DACH2: variants seen among roughly 807,000 people sequenced by gnomAD.
DACH2 encodes the protein dachshund family transcription factor 2, also known as dachshund homolog 2.
DACH2 carries 17 observed loss-of-function variants against 35.8 expected under a neutral mutation model. The observed-to-expected ratio is 0.48, with a 90% CI of 0.33 to 0.71. The LOEUF is 0.71. Among genes scored for constraint, DACH2 ranks in the 30% least tolerant of loss-of-function variants. The pLI is 0.02. For missense variants in DACH2, 469 were observed against 472.7 expected (o/e 0.99, Z 0.07); for synonymous variants, 195 against 177.3 (o/e 1.10, Z -0.79).
chrX:86,546,410 T>TCTTCTTCTTCTTCTTCTTC (rs2038968483), intron 3 of DACH2, among the ~76,000 whole-genome samples: 1 of 88,705 alleles, frequency 1.1e-5, no homozygotes, highest in Non-Finnish European at 2.2e-5. Flanking sequence ...TCTTCCTTCT[T>TCTTCTTCTTCTTCTTCTTC]CTTCTTCTTT....
At chrX:86,825,720 A>G (rs1030832207) in intron 11 of DACH2, among the ~76,000 whole-genome samples, 1 of 111,618 alleles carries the variant, frequency 9.0e-6, no homozygotes, top group Non-Finnish European at 1.9e-5. Context: ...GTACTTCTAA[A>G]GCTCTTAATG....
intron 4 of DACH2, among the ~76,000 whole-genome samples, chrX:86,679,492 T>C (rs1207096254): frequency 8.9e-6 from 1 of 111,811 alleles, no homozygotes; most frequent in African/African-American, 3.2e-5. Flanking sequence ...AGTTTTGCAA[T>C]GTTATTAACT....
At chrX:86,482,496 T>A (rs1038843331) in intron 2 of DACH2, among the ~76,000 whole-genome samples, 3 of 110,373 alleles carry the variant, frequency 2.7e-5, no homozygotes, top group African/African-American at 9.9e-5. Context: ...GCAATAAACA[T>A]ACATGTGCAT....
At chrX:86,758,264 A>G (rs892859107) in intron 7 of DACH2, among the ~76,000 whole-genome samples, 1 of 110,935 alleles carries the variant, frequency 9.0e-6, no homozygotes, top group African/African-American at 3.3e-5. Context: ...TTTTTCTGGT[A>G]ATTTGGGGTT....
intron 3 of DACH2, among the ~76,000 whole-genome samples, chrX:86,540,928 A>G (rs1216843353): frequency 1.8e-5 from 2 of 111,899 alleles, no homozygotes. Flanking sequence ...TTGTAATTAA[A>G]CAAAGTTTCC....
intron 2 of DACH2, among the ~76,000 whole-genome samples, chrX:86,502,032 T>G (rs2038258455): frequency 9.3e-6 from 1 of 107,873 alleles, no homozygotes; most frequent in Non-Finnish European, 1.9e-5. Flanking sequence ...CCTTCCTTCC[T>G]TCCTTCCTTC....
chrX:86,164,190 T>C (rs2030862900), intron 1 of DACH2, among the ~76,000 whole-genome samples: 1 of 111,953 alleles, frequency 8.9e-6, no homozygotes, highest in South Asian at 3.7e-4. Flanking sequence ...TGATCAGTGA[T>C]ATTGAGCTTT....
At chrX:86,679,904 T>A (rs2040861884) in intron 4 of DACH2, among the ~76,000 whole-genome samples, 1 of 111,148 alleles carries the variant, frequency 9.0e-6, no homozygotes, top group African/African-American at 3.3e-5. Context: ...GAGAATCTCA[T>A]ACTAAATTAT....
intron 2 of DACH2, among the ~76,000 whole-genome samples, chrX:86,502,863 AT>A (rs199665434): frequency 9.0e-6 from 1 of 110,909 alleles, no homozygotes; most frequent in East Asian, 2.8e-4. Context: ...ACATTGTGAG[AT>A]TTTTTTTTCT....
intron 3 of DACH2, among the ~76,000 whole-genome samples, chrX:86,601,254 T>C (rs1169162382): frequency 9.0e-6 from 1 of 111,578 alleles, no homozygotes; most frequent in African/African-American, 3.3e-5. Context: ...TTCCAAAGTT[T>C]CTATTGGGGC....
At chrX:86,629,607 G>T (rs1341237883) in intron 3 of DACH2, among the ~76,000 whole-genome samples, 1 of 110,922 alleles carries the variant, frequency 9.0e-6, no homozygotes, top group Non-Finnish European at 1.9e-5. Context: ...AGTGGGCTGG[G>T]TTCGGTGGCT....
At chrX:86,649,876 C>A (rs1351382211) in intron 3 of DACH2, among the ~76,000 whole-genome samples, 1 of 111,010 alleles carries the variant, frequency 9.0e-6, no homozygotes, top group Non-Finnish European at 1.9e-5. Context: ...TATTTGCCTT[C>A]TTTTCCTTGA....
chrX:86,669,935 G>T (rs1426143426), intron 4 of DACH2, among the ~76,000 whole-genome samples: 2 of 110,292 alleles, frequency 1.8e-5, no homozygotes, highest in Non-Finnish European at 3.8e-5. Context: ...ACTGTCACAG[G>T]GGTCTCTATC....
At chrX:86,640,321 G>A (rs1487352650) in intron 3 of DACH2, among the ~76,000 whole-genome samples, 1 of 110,920 alleles carries the variant, frequency 9.0e-6, no homozygotes, top group Non-Finnish European at 1.9e-5. Flanking sequence ...TAATGAAGAA[G>A]CAAAGACCCT....
chrX:86,409,942 A>T (rs1353929741), intron 2 of DACH2, among the ~76,000 whole-genome samples: 2 of 112,105 alleles, frequency 1.8e-5, no homozygotes, highest in Non-Finnish European at 3.8e-5. Context: ...GCAGTTCCCC[A>T]AAGGCATTCT....
At chrX:86,272,320 A>G (rs778939656) in intron 1 of DACH2, among the ~76,000 whole-genome samples, 5 of 110,300 alleles carry the variant, frequency 4.5e-5, no homozygotes, top group Admixed American at 9.8e-5. Flanking sequence ...TACTATTTTA[A>G]CAGAGGGAAT....
At chrX:86,288,973 C>A (rs2034211660) in intron 1 of DACH2, among the ~76,000 whole-genome samples, 1 of 110,830 alleles carries the variant, frequency 9.0e-6, no homozygotes, top group Non-Finnish European at 1.9e-5. Flanking sequence ...CCTGTAGCCA[C>A]CATAGCTGGG....
intron 3 of DACH2, among the ~76,000 whole-genome samples, chrX:86,606,603 C>T (rs914545625): frequency 2.1e-4 from 22 of 107,313 alleles, no homozygotes; most frequent in Non-Finnish European, 4.1e-4. Context: ...TGTTTTGTGA[C>T]CTAACATGTT....
intron 1 of DACH2, among the ~76,000 whole-genome samples, chrX:86,240,252 G>A (rs567083350): frequency 1.4e-4 from 16 of 110,868 alleles, no homozygotes; most frequent in African/African-American, 4.9e-4. Flanking sequence ...GTAAACATAC[G>A]CTCATCACAC....
Sources: allele counts gnomAD v4.1 joint callset (sites outside exome capture counted in the v4.1 genomes callset), GRCh38; gene constraint gnomAD v4.1.1; transcripts MANE v1.5; gene names NCBI Gene and HGNC (gene_info 2026-07-23, HGNC 2026-07-21).